CAST: variants seen among roughly 807,000 people sequenced by gnomAD.
CAST encodes the protein calpastatin, also known as MIR583 host.
A neutral mutation model predicts 119.6 loss-of-function variants in CAST; 76 were observed. The observed-to-expected ratio is 0.64, with a 90% CI of 0.53 to 0.77. The LOEUF (loss-of-function observed/expected upper bound fraction) is 0.77. Among genes scored for constraint, CAST ranks in the 30% least tolerant of loss-of-function variants. CAST has a pLI of 0.00. For synonymous variants in CAST, 319 were observed against 331.6 expected, an observed-to-expected ratio of 0.96 and a Z score of 0.41; for missense variants, 953 against 946.5, an observed-to-expected ratio of 1.01 and a Z score of -0.09.
the CAST span, among the ~76,000 whole-genome samples, chr5:96,445,460 A>G: frequency 6.6e-6 from 1 of 152,224 alleles, no homozygotes; most frequent in African/African-American, 2.4e-5. Flanking sequence ...CTCATTGCCC[A>G]GACACATAAT....
chr5:96,423,856 C>T, the CAST span, among the ~76,000 whole-genome samples: 107 of 152,234 alleles, frequency 7.0e-4, no homozygotes, highest in East Asian at 0.02. Flanking sequence ...CCACATTGAG[C>T]TCTCATTATA....
At chr5:96,653,054 T>A (rs1748114289) in intron 1 of CAST, among the ~76,000 whole-genome samples, 2 of 152,226 alleles carry the variant, frequency 1.3e-5, no homozygotes, top group Admixed American at 6.5e-5. Context: ...CCACAGCCAT[T>A]ATCTCCCAAA....
the CAST span, among the ~76,000 whole-genome samples, chr5:95,977,488 T>G: frequency 6.6e-6 from 1 of 152,254 alleles, no homozygotes; most frequent in East Asian, 1.9e-4. Flanking sequence ...TGTCCTTTCA[T>G]TTAATAGCCT....
chr5:96,220,559 C>T, the CAST span, among the ~76,000 whole-genome samples: 1 of 152,188 alleles, frequency 6.6e-6, no homozygotes, highest in Non-Finnish European at 1.5e-5. Context: ...TAAAATTATA[C>T]TTGGTTAGTG....
At chr5:96,644,465 G>A (rs1429867671) in intron 1 of CAST, among the ~76,000 whole-genome samples, 3 of 152,082 alleles carry the variant, frequency 2.0e-5, no homozygotes, top group Non-Finnish European at 1.5e-5. Flanking sequence ...ATATTTTGGC[G>A]GTGTCCATTC....
At chr5:96,258,223 C>T in the CAST span, among the ~76,000 whole-genome samples, 1 of 152,016 alleles carries the variant, frequency 6.6e-6, no homozygotes, top group Admixed American at 6.5e-5. Flanking sequence ...TAAGTGGGTA[C>T]TTGGTGTATC....
chr5:96,274,748 C>T, the CAST span, among the ~76,000 whole-genome samples: 3 of 152,148 alleles, frequency 2.0e-5, no homozygotes, highest in Admixed American at 2.0e-4. Flanking sequence ...CGCTAGGCTC[C>T]CCTCTGACAC....
At chr5:96,565,077 G>GGTGTGT (rs61240765) in intron 1 of CAST, among the ~76,000 whole-genome samples, 11,372 of 148,618 alleles carry the variant, frequency 0.077, 894 homozygotes, top group East Asian at 0.29. Context: ...ACATGGGAAA[G>GGTGTGT]GTGTGTGTGT....
chr5:96,628,069 C>G (rs889136798), intron 1 of CAST, among the ~76,000 whole-genome samples: 2 of 152,202 alleles, frequency 1.3e-5, no homozygotes, highest in Non-Finnish European at 2.9e-5. Flanking sequence ...ACAGTAAATC[C>G]TTTTAAATAT....
the CAST span, among the ~76,000 whole-genome samples, chr5:96,389,242 C>G: frequency 2.0e-5 from 3 of 152,036 alleles, no homozygotes; most frequent in Admixed American, 2.0e-4. Context: ...AAAGAGTTTT[C>G]TTAGCATTTA....
chr5:96,318,312 C>T, the CAST span, among the ~76,000 whole-genome samples: 1 of 152,226 alleles, frequency 6.6e-6, no homozygotes, highest in Non-Finnish European at 1.5e-5. Context: ...TCACTTCCAG[C>T]TCAGCCTGGT....
At chr5:96,259,397 G>C in the CAST span, among the ~76,000 whole-genome samples, 1 of 152,226 alleles carries the variant, frequency 6.6e-6, no homozygotes, top group Non-Finnish European at 1.5e-5. Flanking sequence ...TCTTAGATCT[G>C]AATGTGAATT....
At chr5:96,662,232 G>A (rs963407524), upstream of CAST, 3 of 597,734 alleles carry the variant, frequency 5.0e-6, no homozygotes, top group Admixed American at 4.5e-5. Flanking sequence ...GGGCAGGAAG[G>A]GGAGGGCCCA....
intron 1 of CAST, among the ~76,000 whole-genome samples, chr5:96,563,434 G>C (rs1746417613): frequency 6.6e-6 from 1 of 152,102 alleles, no homozygotes; most frequent in Non-Finnish European, 1.5e-5. Context: ...CATAAAGTTT[G>C]CGTAGTATTC....
chr5:96,193,108 T>A, the CAST span, among the ~76,000 whole-genome samples: 1 of 152,216 alleles, frequency 6.6e-6, no homozygotes, highest in African/African-American at 2.4e-5. Flanking sequence ...TGGAAAAATT[T>A]TTATTGTCAA....
chr5:96,280,259 G>A, the CAST span, among the ~76,000 whole-genome samples: 1 of 151,880 alleles, frequency 6.6e-6, no homozygotes, highest in Non-Finnish European at 1.5e-5. Context: ...TTGCTGTTTG[G>A]TAGTTCCTAA....
chr5:96,553,349 C>A (rs1317166667), intron 1 of CAST, among the ~76,000 whole-genome samples: 2 of 152,126 alleles, frequency 1.3e-5, no homozygotes, highest in Non-Finnish European at 2.9e-5. Context: ...AGGCCTTTGA[C>A]AAAATTCAAC....
chr5:96,230,935 A>G, the CAST span, among the ~76,000 whole-genome samples: 2 of 152,158 alleles, frequency 1.3e-5, no homozygotes, highest in African/African-American at 4.8e-5. Flanking sequence ...CAAAACCACA[A>G]CGAGATACTA....
At chr5:96,184,213 C>T in the CAST span, among the ~76,000 whole-genome samples, 2 of 152,148 alleles carry the variant, frequency 1.3e-5, no homozygotes, top group Non-Finnish European at 2.9e-5. Context: ...ACCCAGGATC[C>T]CAACTCATTT....
Sources: gnomAD v4.1 joint callset for allele counts (sites outside exome capture counted in the v4.1 genomes callset) on GRCh38, gnomAD v4.1.1 for gene constraint, MANE v1.5 for transcripts, NCBI Gene and HGNC (gene_info 2026-07-23, HGNC 2026-07-21) for gene names.